Variants in IGF1R observed in about 807,000 individuals in gnomAD.
IGF1R encodes the protein insulin like growth factor 1 receptor, also known as insulin-like growth factor 1 receptor.
In IGF1R, 44 loss-of-function variants were observed where a neutral mutation model predicts 144.6. That is an observed-to-expected ratio of 0.30 (90% CI 0.24 to 0.39). The LOEUF is 0.39. IGF1R is among the 10% of genes least tolerant of loss of function. The pLI is 1.00. For missense variants in IGF1R, 1,355 were observed against 1,833.7 expected, an observed-to-expected ratio of 0.74 and a Z score of 4.77; for synonymous variants, 795 against 722.8, an observed-to-expected ratio of 1.10 and a Z score of -1.60.
chr15:98,822,750 AT>A (rs1447746804), intron 2 of IGF1R, among the ~76,000 whole-genome samples: 1 of 152,218 alleles, frequency 6.6e-6, no homozygotes, highest in Non-Finnish European at 1.5e-5. Context: ...ATAAACTTTT[AT>A]TTTCTGAATC....
At chr15:98,951,545 C>T (rs995797868) in intron 20 of IGF1R, among the ~76,000 whole-genome samples, 38 of 152,364 alleles carry the variant, frequency 2.5e-4, no homozygotes, top group African/African-American at 8.4e-4. Flanking sequence ...AGGCGAGGAA[C>T]GCAGGAGCGG....
intron 2 of IGF1R, among the ~76,000 whole-genome samples, chr15:98,762,233 CTTTTCT>C (rs1366976206): frequency 1.9e-4 from 25 of 128,450 alleles, no homozygotes; most frequent in South Asian, 1.3e-3. Flanking sequence ...CTTTTCTTTT[CTTTTCT>C]TTTTTTTTTT....
At chr15:98,733,619 C>T (rs2054546466) in intron 2 of IGF1R, among the ~76,000 whole-genome samples, 1 of 152,016 alleles carries the variant, frequency 6.6e-6, no homozygotes, top group Non-Finnish European at 1.5e-5. Context: ...AGTGAAGAGC[C>T]CTCCAAAATC....
At chr15:98,757,653 T>TG (rs1222164775) in intron 2 of IGF1R, among the ~76,000 whole-genome samples, 2 of 152,208 alleles carry the variant, frequency 1.3e-5, no homozygotes, top group Non-Finnish European at 2.9e-5. Context: ...ATTTTACTAT[T>TG]GCCAGCTTTG....
intron 2 of IGF1R, among the ~76,000 whole-genome samples, chr15:98,832,894 G>C (rs746388771): frequency 2.0e-5 from 3 of 152,176 alleles, no homozygotes; most frequent in Non-Finnish European, 2.9e-5. Context: ...TACGTTACCA[G>C]CTTAATTGCT....
chr15:98,896,324 C>T (rs2014195348), intron 3 of IGF1R, among the ~76,000 whole-genome samples: 1 of 152,142 alleles, frequency 6.6e-6, no homozygotes, highest in Non-Finnish European at 1.5e-5. Context: ...CCTTTGCTGT[C>T]CCTGCCTTCT....
chr15:98,888,609 TCC>T (rs2013758278), intron 2 of IGF1R, among the ~76,000 whole-genome samples: 1 of 152,210 alleles, frequency 6.6e-6, no homozygotes, highest in Non-Finnish European at 1.5e-5. Context: ...GATGGGTAAC[TCC>T]TTATTACTTG....
chr15:98,745,081 A>G (rs1202080995), intron 2 of IGF1R, among the ~76,000 whole-genome samples: 1 of 152,138 alleles, frequency 6.6e-6, no homozygotes. Flanking sequence ...GTTTTAAGGG[A>G]TGGTTGCATT....
intron 2 of IGF1R, among the ~76,000 whole-genome samples, chr15:98,808,701 A>G (rs1428516018): frequency 1.3e-5 from 2 of 149,670 alleles, no homozygotes; most frequent in African/African-American, 4.9e-5. Flanking sequence ...TTTTGAAGAG[A>G]CAGGGTCTTG....
intron 2 of IGF1R, among the ~76,000 whole-genome samples, chr15:98,712,612 CT>C (rs71149413): frequency 0.91 from 131,660 of 143,998 alleles, 60,319 homozygotes; most frequent in Non-Finnish European, 0.95. Context: ...TCAGTATGCA[CT>C]TTTTTTTTTT....
chr15:98,962,846 G>A lies in IGF1R; in HGVS notation c.*5404G>A, dbSNP rs374081339. ...TGGAAACTGATCTCGGAGTTAAGGC[G>A]AATTGTTCAAGAACACAAACTACAT... On this transcript the variant is annotated 3_prime_UTR_variant, in exon 21 of 21. Transcript: ENST00000650285. 1.0e-4 allele frequency: 24 copies of A among 233,562 alleles called. No individual in the cohort carries two copies. The highest frequency in any genetic ancestry group is 3.6e-4 in the South Asian group (2 of 5,530). The allele number at this position is 233,562 out of a possible 1,614,324, so 14.5% of individuals were successfully genotyped here.
At chr15:98,650,483 G>A (rs1434770602) in intron 1 of IGF1R, among the ~76,000 whole-genome samples, 1 of 152,258 alleles carries the variant, frequency 6.6e-6, no homozygotes, top group African/African-American at 2.4e-5. Flanking sequence ...AGTTCAGAGG[G>A]CTCTGGGATG....
chr15:98,649,884 G>A (rs1188632307), intron 1 of IGF1R, among the ~76,000 whole-genome samples: 1 of 152,160 alleles, frequency 6.6e-6, no homozygotes, highest in Non-Finnish European at 1.5e-5. Context: ...CGCGGGCCCT[G>A]GCTCCGCGCA....
chr15:98,937,578 A>G (rs1234213026), intron 17 of IGF1R, among the ~76,000 whole-genome samples: 2 of 152,194 alleles, frequency 1.3e-5, no homozygotes, highest in African/African-American at 4.8e-5. Context: ...CAGTTTCATT[A>G]TATTCAACCT....
chr15:98,930,177 A>G (rs768325886), intron 14 of IGF1R, 58 bp from the exon 15 acceptor site: 4 of 1,126,756 alleles, frequency 3.6e-6, no homozygotes, highest in Non-Finnish European at 5.4e-6. Context: ...AGATGAAAGT[A>G]TATACAGGAA....
At chr15:98,936,546 C>A (rs1294401584) in intron 17 of IGF1R, among the ~76,000 whole-genome samples, 3 of 151,782 alleles carry the variant, frequency 2.0e-5, no homozygotes, top group African/African-American at 7.3e-5. Flanking sequence ...GCTTTTATTC[C>A]TTAGAAGCAG....
intron 2 of IGF1R, among the ~76,000 whole-genome samples, chr15:98,743,801 TGCAAAAGGCAAA>T (rs1367740142): frequency 2.0e-5 from 3 of 152,142 alleles, no homozygotes; most frequent in African/African-American, 7.2e-5. Context: ...GAGTAGGCAA[TGCAAAAGGCAAA>T]GTGAACTTGG....
intron 1 of IGF1R, among the ~76,000 whole-genome samples, chr15:98,700,919 CTT>C (rs35651965): frequency 1.3e-5 from 2 of 151,552 alleles, no homozygotes; most frequent in Non-Finnish European, 2.9e-5. Context: ...GCTATTAAAA[CTT>C]TTTTTTTCAT....
intron 2 of IGF1R, among the ~76,000 whole-genome samples, chr15:98,851,454 G>A (rs1004733814): frequency 6.6e-6 from 1 of 152,108 alleles, no homozygotes; most frequent in Non-Finnish European, 1.5e-5. Flanking sequence ...AAATGAAGTG[G>A]AGATCCCTCC....
Sources: gnomAD v4.1 joint callset for allele counts (sites outside exome capture counted in the v4.1 genomes callset) on GRCh38, gnomAD v4.1.1 for gene constraint, MANE v1.5 for transcripts, NCBI Gene and HGNC (gene_info 2026-07-23, HGNC 2026-07-21) for gene names.